Variants in KCNH5 observed in about 807,000 individuals in gnomAD.
KCNH5 encodes potassium voltage-gated channel subfamily H member 5, also known as voltage-gated delayed rectifier potassium channel KCNH5.
Under a neutral mutation model 96.1 loss-of-function variants are expected in KCNH5, and 46 were observed. That is an observed-to-expected ratio of 0.48 (90% CI 0.38 to 0.61). KCNH5 has a LOEUF of 0.61. Among genes scored for constraint, KCNH5 ranks in the 20% least tolerant of loss-of-function variants. The pLI, the probability that KCNH5 is intolerant of heterozygous loss-of-function variation, is 0.00. For synonymous variants in KCNH5, 439 were observed against 449.8 expected (o/e 0.98, Z 0.30); for missense variants, 907 against 1,225.8 (o/e 0.74, Z 3.88).
intron 2 of KCNH5, among the ~76,000 whole-genome samples, chr14:63,013,000 AAAAT>A (rs1406396410): frequency 6.8e-6 from 1 of 146,288 alleles, no homozygotes; most frequent in African/African-American, 2.8e-5. Flanking sequence ...TAAAAGGAAA[AAAAT>A]AAAATAAAAT....
intron 6 of KCNH5, among the ~76,000 whole-genome samples, chr14:62,971,350 T>C (rs1177197727): frequency 6.6e-6 from 1 of 152,094 alleles, no homozygotes. Flanking sequence ...TGATGAAATA[T>C]ATCAAAGAAG....
At chr14:62,759,029 G>T (rs1885688417) in intron 10 of KCNH5, among the ~76,000 whole-genome samples, 1 of 151,976 alleles carries the variant, frequency 6.6e-6, no homozygotes, top group South Asian at 2.1e-4. Context: ...TCAAAGACAT[G>T]ATCTCAAATT....
chr14:62,956,099 T>C (rs1051076212), intron 6 of KCNH5, among the ~76,000 whole-genome samples: 1 of 152,190 alleles, frequency 6.6e-6, no homozygotes, highest in Non-Finnish European at 1.5e-5. Flanking sequence ...ACATTAAGCA[T>C]AATCTCTTGA....
chr14:62,794,903 A>C (rs1201163521), intron 9 of KCNH5, among the ~76,000 whole-genome samples: 1 of 152,076 alleles, frequency 6.6e-6, no homozygotes, highest in Admixed American at 6.6e-5. Context: ...ATTAAAGCTA[A>C]ATTTCCTTCA....
intron 7 of KCNH5, among the ~76,000 whole-genome samples, chr14:62,948,114 G>T (rs1326988386): frequency 6.6e-6 from 1 of 152,028 alleles, no homozygotes; most frequent in Non-Finnish European, 1.5e-5. Context: ...TACTGAGAAT[G>T]ATGGTTTCCA....
chr14:62,961,994 CAGATGGAGATGCAGATGG>C (rs1203013756), intron 6 of KCNH5, among the ~76,000 whole-genome samples: 8 of 136,172 alleles, frequency 5.9e-5, no homozygotes, highest in Admixed American at 2.2e-4. Context: ...GATGCAGATG[CAGATGGAGATGCAGATGG>C]AGATGGAGAT....
At chr14:62,843,401 T>C (rs1887624344) in intron 8 of KCNH5, among the ~76,000 whole-genome samples, 1 of 149,372 alleles carries the variant, frequency 6.7e-6, no homozygotes, top group Non-Finnish European at 1.5e-5. Flanking sequence ...CATGGATATA[T>C]TTACATGGCT....
intron 7 of KCNH5, among the ~76,000 whole-genome samples, chr14:62,880,514 T>C (rs533453176): frequency 6.6e-6 from 1 of 152,314 alleles, no homozygotes; most frequent in South Asian, 2.1e-4. Flanking sequence ...GCACACTGGA[T>C]ATTGTGGCAC....
At chr14:62,823,193 A>T (rs1173255345) in intron 8 of KCNH5, among the ~76,000 whole-genome samples, 1 of 152,014 alleles carries the variant, frequency 6.6e-6, no homozygotes, top group Non-Finnish European at 1.5e-5. Flanking sequence ...CAACATGTCC[A>T]CCTGTCCCTT....
In KCNH5 at chr14:62,968,958, T is replaced by C. The variant is rs1180703467; in HGVS notation, c.942+11914A>G. On this transcript the variant is annotated intron_variant, in intron 6 of 10. Coordinates refer to ENST00000322893, the MANE Select transcript of KCNH5 (RefSeq NM_139318.5). ...GAGCCTATAGATGAAAGACGAGTAA[T>C]CCAATACTCAATATAAATATAAATC... Among the ~76,000 whole-genome samples, 6 of 152,146 alleles carry C rather than the reference T, an allele frequency of 3.9e-5. No homozygotes were observed. The East Asian group carries it at 1.2e-3, about 29-fold the overall frequency.
At chr14:62,927,729 A>G (rs1889503224) in intron 7 of KCNH5, among the ~76,000 whole-genome samples, 1 of 152,094 alleles carries the variant, frequency 6.6e-6, no homozygotes, top group East Asian at 1.9e-4. Flanking sequence ...GGGGCTGAAG[A>G]AAAGGGGAAT....
intron 9 of KCNH5, among the ~76,000 whole-genome samples, chr14:62,797,828 G>A (rs1205545770): frequency 6.6e-6 from 1 of 151,570 alleles, no homozygotes; most frequent in African/African-American, 2.4e-5. Flanking sequence ...CAATTCTCAT[G>A]CCTCAGCCTC....
Position 62,927,767 on chromosome 14 carries a change from T to G in KCNH5, c.1369+22366A>C, listed in dbSNP as rs185809585. Among the ~76,000 whole-genome samples, 400 of 151,954 alleles carry G rather than the reference T, an allele frequency of 2.6e-3. 1 individual carries two copies. Among genetic ancestry groups the G allele is most frequent in the African/African-American group, 9.2e-3 (382 of 41,440 alleles). ...AAGCTATTGTTTCATGGGTAAAGAG[T>G]TTTTGTTTTGCAAGAGTTATGAGGC... On this transcript the variant is annotated intron_variant, in intron 7 of 10. Coordinates refer to ENST00000322893, the MANE Select transcript of KCNH5 (RefSeq NM_139318.5).
At chr14:62,951,948 G>A (rs1594642152) in intron 6 of KCNH5, among the ~76,000 whole-genome samples, 1 of 131,226 alleles carries the variant, frequency 7.6e-6, no homozygotes, top group South Asian at 2.6e-4. Flanking sequence ...GGGTAACAGA[G>A]CGAGACTCCG....
intron 7 of KCNH5, among the ~76,000 whole-genome samples, chr14:62,899,812 C>T (rs983449299): frequency 8.7e-5 from 12 of 138,634 alleles, no homozygotes; most frequent in African/African-American, 1.4e-4. Context: ...CCAGCCTGGG[C>T]GACAGAGCGA....
intron 4 of KCNH5, among the ~76,000 whole-genome samples, chr14:62,998,364 C>G (rs750113603): frequency 2.6e-5 from 4 of 152,068 alleles, no homozygotes; most frequent in Non-Finnish European, 5.9e-5. Flanking sequence ...GTTAGCCTGG[C>G]TAGAGGTTTA....
At chr14:62,996,513 G>A (rs998533243) in intron 4 of KCNH5, among the ~76,000 whole-genome samples, 2 of 152,164 alleles carry the variant, frequency 1.3e-5, no homozygotes, top group African/African-American at 2.4e-5. Context: ...AGTGGTCTGA[G>A]TTGTCTCGAG....
intron 6 of KCNH5, among the ~76,000 whole-genome samples, chr14:62,975,510 A>G (rs1340545999): frequency 6.6e-6 from 1 of 152,120 alleles, no homozygotes; most frequent in African/African-American, 2.4e-5. Flanking sequence ...GGAAAAAATT[A>G]AAAATAATGT....
intron 9 of KCNH5, among the ~76,000 whole-genome samples, chr14:62,792,914 A>G (rs1886463088): frequency 6.6e-6 from 1 of 151,802 alleles, no homozygotes. Flanking sequence ...TCAGCAGATG[A>G]ATTGATAAAG....
Sources: allele counts gnomAD v4.1 joint callset (sites outside exome capture counted in the v4.1 genomes callset), GRCh38; gene constraint gnomAD v4.1.1; transcripts MANE v1.5; gene names NCBI Gene and HGNC (gene_info 2026-07-23, HGNC 2026-07-21).